Variants in COL16A1 observed in about 807,000 individuals in gnomAD.
COL16A1 encodes collagen type XVI alpha 1 chain.
Under a neutral mutation model 266.3 loss-of-function variants are expected in COL16A1, and 189 were observed. That is an observed-to-expected ratio of 0.71 (90% confidence interval 0.63 to 0.80). The LOEUF is 0.80. COL16A1 is among the 30% of genes least tolerant of loss of function. The probability of loss-of-function intolerance (pLI) is 0.00; values close to 1 mark genes in which losing one functional copy is unlikely to be tolerated. For missense variants in COL16A1, 1,928 were observed against 2,122.4 expected (o/e 0.91, Z 1.80); for synonymous variants, 740 against 782.3 (o/e 0.95, Z 0.90).
Position 31,679,806 on chromosome 1 carries a change from G to A in COL16A1, c.2716C>T (p.Gln906Ter), listed in dbSNP as rs777171256. The A allele has an allele frequency of 6.4e-7, 1 of 1,559,646 alleles. No individual in the cohort carries two copies. The highest frequency in any genetic ancestry group is 2.3e-5 in the East Asian group (1 of 44,052). ...ACAAGAGGAGACAAGCGACACACCT[G>A]CGGGCCCGGCTGCCAGGAGCTGCCC... ...WMGSSWQPGPQGPPGIPGPPG... is the reference protein window; with the variant it reads ...WMGSSWQPGP The change falls in exon 41 of 71, where the codon CAG becomes TAG. Residue 906 changes from glutamine (Q) to a stop codon, truncating the protein, a stop_gained and splice_region_variant. Coordinates refer to ENST00000373672, the MANE Select transcript of COL16A1 (RefSeq NM_001856.4). LOFTEE classifies it high-confidence loss of function.
intron 37 of COL16A1, 22 bp from the exon 38 acceptor site, chr1:31,681,089 T>C: frequency 6.2e-7 from 1 of 1,605,406 alleles, no homozygotes; most frequent in East Asian, 2.2e-5. Context: ...GAGCCCAGAG[T>C]CAGAGGGTGA....
chr1:31,665,927 T>G lies in COL16A1; in HGVS notation c.3411A>C (p.Arg1137Ser), dbSNP rs773366697. The change falls in exon 54 of 71, where the codon AGA (arginine) becomes AGC (serine). Residue 1137 changes from arginine to serine, a missense_variant. Arg to Ser is a moderately radical substitution (Grantham distance 110, BLOSUM62 -1). This residue lies in a region of COL16A1 where 1,552 missense variants were observed against 1,637.2 expected (regional missense o/e 0.95). Transcript: ENST00000373672. ...AGTTACCTTGGGGTCCTCGCTCTCCTCTGGGACCCTGTCACCCACAGAGAA... is the reference window on the plus strand; with the variant it reads ...AGTTACCTTGGGGTCCTCGCTCTCCGCTGGGACCCTGTCACCCACAGAGAA... ...LPGPPGPAGP[R>S]GERGPQGNSG... 7 of 1,614,070 alleles carry G rather than the reference T, an allele frequency of 4.3e-6. No homozygotes were observed. The highest frequency in any genetic ancestry group is 5.1e-6 in the Non-Finnish European group (6 of 1,179,990).
At chr1:31,700,702 A>G (rs544469606) in intron 2 of COL16A1, among the ~76,000 whole-genome samples, 5 of 152,336 alleles carry the variant, frequency 3.3e-5, no homozygotes, top group Non-Finnish European at 7.3e-5. Context: ...AACGTCCTAC[A>G]TCCAAATCAG....
At chr1:31,660,022 T>C (rs920130718) in intron 62 of COL16A1, 4 of 150,506 alleles carry the variant, frequency 2.7e-5, no homozygotes, top group Admixed American at 2.0e-4. Context: ...TGGAAATTAT[T>C]ATGCAGCCAG....
At chr1:31,694,253 G>T in intron 11 of COL16A1, 83 bp from the exon 12 acceptor site, 1 of 1,184,170 alleles carries the variant, frequency 8.4e-7, no homozygotes, top group South Asian at 1.5e-5. Context: ...ATTTAGACAG[G>T]GTCACACAGC....
In COL16A1 at chr1:31,657,065, C is replaced by T. The variant is rs755234349; in HGVS notation, c.4024G>A (p.Glu1342Lys). ...CCAGCTGCACCATCCGTACCAGGTT[C>T]GCCCTGGGGAGTAGAGAGCAATGGA... ...GPPGHPGPPG[E>K]PGTDGAAGKE... The change falls in exon 65 of 71, where the codon GAA becomes AAA. Residue 1342 changes from glutamate to lysine, a missense_variant. Transcript: ENST00000373672. This position sits in a 1 kb window ranked among gnomAD's most constrained non-coding sequence, Gnocchi z 6.4. 11 of 1,614,078 alleles carry T rather than the reference C, an allele frequency of 6.8e-6. No individual in the cohort carries two copies. The highest frequency in any genetic ancestry group is 5.5e-5 in the South Asian group (5 of 91,086).
At chr1:31,683,298 C>T in intron 35 of COL16A1, 36 bp downstream of exon 35, 1 of 1,614,194 alleles carries the variant, frequency 6.2e-7, no homozygotes, top group Admixed American at 1.7e-5. Flanking sequence ...TGGCCCCCTC[C>T]CCTGCTATCC....
chr1:31,668,318 T>G lies in COL16A1; in HGVS notation c.3250-100A>C, dbSNP rs1642322497. On this transcript the variant is annotated intron_variant, in intron 50 of 70. Coordinates refer to ENST00000373672, the MANE Select transcript of COL16A1 (RefSeq NM_001856.4). This position sits in a 1 kb window ranked among gnomAD's most constrained non-coding sequence, Gnocchi z 5.8. ...AAAGCTAAAACCTCTGGGGCTGCCATCTAGCAGGTGCCAGCCTGCCCCAGC... is the reference window on the plus strand; with the variant it reads ...AAAGCTAAAACCTCTGGGGCTGCCAGCTAGCAGGTGCCAGCCTGCCCCAGC... 1 of 1,290,684 alleles carries G rather than the reference T, an allele frequency of 7.7e-7. No homozygotes were observed. Among genetic ancestry groups the G allele is most frequent in the Non-Finnish European group, 1.1e-6 (1 of 899,648 alleles). The allele number at this position is 1,290,684 out of a possible 1,614,324, so 80.0% of individuals were successfully genotyped here. A position where few individuals can be genotyped will look rare whatever the true frequency, so the allele number is the denominator to read the frequency against.
chr1:31,697,906 C>T lies in COL16A1; in HGVS notation c.657G>A (p.Ser219=), dbSNP rs781343297. 6 of 1,608,400 alleles carry T rather than the reference C, an allele frequency of 3.7e-6. No homozygotes were observed. The African/African-American group carries it at 4.0e-5, about 11-fold the overall frequency. Residue 219 remains serine (S), a splice_region_variant and synonymous_variant, in exon 6 of 71, where the codon TCG becomes TCA. Coordinates refer to ENST00000373672, the MANE Select transcript of COL16A1 (RefSeq NM_001856.4). The surrounding 1 kb of genome is among the most constrained non-coding windows in gnomAD (Gnocchi z 4.2). ...GLDAEQGKPV[S]FDLQQVHIYC... The stretch of plus-strand genomic sequence containing the variant: ...GGTCAGGGCCTGACCTAGCACTCAC[C>T]GAGACAGGCTTGCCCTGCTCAGCAT...
chr1:31,678,544 A>C (rs1014989642), intron 42 of COL16A1, among the ~76,000 whole-genome samples: 17 of 152,220 alleles, frequency 1.1e-4, no homozygotes, highest in Non-Finnish European at 2.1e-4. Context: ...TAGGAATAAT[A>C]ATACTGCCTT....
At position 31,683,214 on chromosome 1, in the gene COL16A1, TG is replaced by T. The variant is rs1438622337; in HGVS notation, c.2448del (p.Thr817LeufsTer12). On this transcript the variant is annotated frameshift_variant, in exon 36 of 71. Transcript: ENST00000373672. LOFTEE classifies it high-confidence loss of function. Reference protein sequence around the residue: ...GLPGPRGPPGPTGEKGAQGSP... With the variant: ...GLPGPRGPPGXTGEKGAQGSP... ...CTCACCTGGGCACCCTTCTCTCCAG[TG>T]GGGCCAGGTGGTCCCCGAGGTCCCG... 6.2e-7 allele frequency: 1 copy of T among 1,614,156 alleles called. No homozygotes were observed. Among genetic ancestry groups the T allele is most frequent in the South Asian group, 1.1e-5 (1 of 91,084 alleles).
chr1:31,657,085 A>G lies in COL16A1; in HGVS notation c.4021-17T>C. 2 of 1,614,196 alleles carry G rather than the reference A, an allele frequency of 1.2e-6. No homozygotes were observed. Among genetic ancestry groups the G allele is most frequent in the Non-Finnish European group, 1.7e-6 (2 of 1,180,026 alleles). ...AGGTTCGCCCTGGGGAGTAGAGAGC[A>G]ATGGAGACATGAGGAGCTCCAACCC... On this transcript the variant is annotated splice_polypyrimidine_tract_variant and intron_variant, in intron 64 of 70. Transcript: ENST00000373672. The surrounding 1 kb of genome is among the most constrained non-coding windows in gnomAD (Gnocchi z 6.4).
Position 31,702,426 on chromosome 1 carries a change from T to G in COL16A1, c.-34-199A>C, listed in dbSNP as rs931759259. 2.0e-5 allele frequency among the ~76,000 whole-genome samples: 3 copies of G among 152,232 alleles called. No homozygotes were observed. In the East Asian group the frequency reaches 5.8e-4, roughly 29 times the overall value. On this transcript the variant is annotated intron_variant, in intron 1 of 70. Transcript: ENST00000373672. ...TGAGCAGAGGCGATATTCAAAATAT[T>G]TAACCACCGGTATGGCACGGATACC...
intron 51 of COL16A1, 32 bp from the exon 52 acceptor site, chr1:31,667,660 C>A (rs1259227053): frequency 6.3e-7 from 1 of 1,586,510 alleles, no homozygotes; most frequent in Non-Finnish European, 8.6e-7. Context: ...GTGGAATTAG[C>A]CCCACAGAAT....
In COL16A1 at chr1:31,685,572, C is replaced by A; in HGVS notation, c.2016+67G>T. 6.5e-7 allele frequency: 1 copy of A among 1,547,186 alleles called. No homozygotes were observed. Among genetic ancestry groups the A allele is most frequent in the African/African-American group, 1.4e-5 (1 of 73,394 alleles). ...AGGGAGTCAAGAGACCCAGGCAGGACCCCTCCCCTCTCCTTAGCCCCGCCT... is the reference window on the plus strand; with the variant it reads ...AGGGAGTCAAGAGACCCAGGCAGGAACCCTCCCCTCTCCTTAGCCCCGCCT... On this transcript the variant is annotated intron_variant, in intron 29 of 70. Transcript: ENST00000373672. This position sits in a 1 kb window ranked among gnomAD's most constrained non-coding sequence, Gnocchi z 4.0.
intron 42 of COL16A1, among the ~76,000 whole-genome samples, chr1:31,678,879 T>A (rs1430341478): frequency 6.6e-6 from 1 of 152,174 alleles, no homozygotes; most frequent in Non-Finnish European, 1.5e-5. Context: ...GTACCCTTTA[T>A]TCACAGTGTC....
rs1296720832 is a variant in COL16A1, at chr1:31,664,935, G to C, written c.3555+237C>G. On this transcript the variant is annotated intron_variant, in intron 56 of 70. Coordinates refer to ENST00000373672, the MANE Select transcript of COL16A1 (RefSeq NM_001856.4). This position sits in a 1 kb window ranked among gnomAD's most constrained non-coding sequence, Gnocchi z 5.5. ...ATCACAGCAGACAAGGGCCTGGGCT[G>C]CACAGAGGCCGCAGGCATCCTGGGC... Among the ~76,000 whole-genome samples, 1 of 152,136 alleles carries C rather than the reference G, an allele frequency of 6.6e-6. No individual in the cohort carries two copies. Among genetic ancestry groups the C allele is most frequent in the Admixed American group, 6.5e-5 (1 of 15,286 alleles).
rs749840028 is a variant in COL16A1 at position 31,685,798 on chromosome 1, G to A, written c.1885-28C>T. The A allele has an allele frequency of 6.2e-7, 1 of 1,611,710 alleles. No individual in the cohort carries two copies. The highest frequency in any genetic ancestry group is 8.5e-7 in the Non-Finnish European group (1 of 1,178,540). On this transcript the variant is annotated intron_variant, in intron 28 of 70. Transcript: ENST00000373672. The surrounding 1 kb of genome is among the most constrained non-coding windows in gnomAD (Gnocchi z 4.0). ...GCCAAGCAAGGACATTGAGTTAGGG[G>A]GTCCCCCAGGCCCTAGTGCACTTGA... is the stretch of plus-strand genomic sequence containing the variant.
chr1:31,658,412 G>A, intron 64 of COL16A1, 76 bp downstream of exon 64: 1 of 1,243,020 alleles, frequency 8.0e-7, no homozygotes, highest in South Asian at 1.3e-5. Context: ...CCCCAGATAT[G>A]TTGTGCTGTG....
Sources: allele counts gnomAD v4.1 joint callset (sites outside exome capture counted in the v4.1 genomes callset), GRCh38; gene constraint gnomAD v4.1.1; regional missense constraint gnomAD v4.1.1; non-coding constraint Gnocchi (gnomAD v3.1); transcripts MANE v1.5; gene names NCBI Gene and HGNC (gene_info 2026-07-23, HGNC 2026-07-21).